Variants in ATG9B observed in about 807,000 individuals in gnomAD.
ATG9B encodes autophagy-related protein 9B.
A neutral mutation model predicts 92.9 loss-of-function variants in ATG9B; 92 were observed. The ratio of observed to expected loss-of-function variants is 0.99; its 90% confidence interval spans 0.84 to 1.18. ATG9B has a LOEUF of 1.18. Ranked by LOEUF, ATG9B falls within the 50% of genes most tolerant of loss-of-function variation. ATG9B has a pLI of 0.00. For missense variants in ATG9B, 1,344 were observed against 1,235.0 expected (o/e 1.09, Z -1.32); for synonymous variants, 599 against 551.4 (o/e 1.09, Z -1.21).
chr7:151,023,428 C>G lies in ATG9B; in HGVS notation c.659+17G>C. 6.2e-7 allele frequency: 1 copy of G among 1,612,424 alleles called. No homozygotes were observed. The highest frequency in any genetic ancestry group is 1.1e-5 in the South Asian group (1 of 90,842). ...GGCCCAGGGGACCGAGTTCCGGGCC[C>G]GGGCTAAGCGTCTCACCCCAGCTGG... On this transcript the variant is annotated intron_variant, in intron 3 of 13. Transcript: ENST00000639579.
At chr7:151,013,582 C>T (rs897157789), downstream of ATG9B, 10 of 925,028 alleles carry the variant, frequency 1.1e-5, no homozygotes, top group Admixed American at 5.7e-5. Flanking sequence ...TTTGGCTCTG[C>T]CCCTGTTGAC....
Position 151,021,310 on chromosome 7 carries a change from G to A in ATG9B, c.841C>T (p.Leu281=). 6.2e-7 allele frequency: 1 copy of A among 1,611,766 alleles called. No individual in the cohort carries two copies. Among genetic ancestry groups the A allele is most frequent in the Non-Finnish European group, 8.5e-7 (1 of 1,178,826 alleles). Residue 281 remains leucine, a synonymous_variant, in exon 5 of 14, where the codon CTG becomes TTG. Transcript: ENST00000639579. The part of the protein sequence containing the change: ...CAERIRSSPL[L]VLLLVLAAGF... ...GCAGCCAGGACCAGGAGGAGGACCA[G>A]CAGCGGGCTGGAGCGGATCCTGTAT...
rs1351917128 is a variant in ATG9B, at chr7:151,024,348, G to A, written c.76C>T (p.Pro26Ser). The change falls in exon 1 of 14, where the codon CCC becomes TCC. Residue 26 changes from proline (P) to serine (S), a missense_variant. Physicochemically the swap from Pro to Ser is moderately conservative, Grantham distance 74 (BLOSUM62 -1). Coordinates refer to ENST00000639579, the MANE Select transcript of ATG9B (RefSeq NM_001317056.2). ...GGTGGCAGTGGCATGGGGAGGAGGG[G>A]CACCGATCCGGGCCCCAGATCTCCC... ...RWGDLGPGSV[P>S]LLPMPLPPPP... is the part of the protein sequence containing the mutation. 3.3e-5 allele frequency: 46 copies of A among 1,399,200 alleles called. No homozygotes were observed. The South Asian group carries it at 7.8e-4, about 24-fold the overall frequency. The allele number at this position is 1,399,200 out of a possible 1,614,324, so 86.7% of individuals were successfully genotyped here.
In ATG9B at chr7:151,024,378, G is replaced by T. The variant is rs755585171; in HGVS notation, c.46C>A (p.Arg16=). The T allele has an allele frequency of 7.3e-7, 1 of 1,373,782 alleles. No homozygotes were observed. The allele number at this position is 1,373,782 out of a possible 1,614,324, so 85.1% of individuals were successfully genotyped here. ...GATCCGGGCCCCAGATCTCCCCACC[G>T]CCCCAGCCGCCTTCTTCTCCCCCCC... ...GWGGRRRRLG[R]WGDLGPGSVP... is the part of the protein sequence containing the mutation. Residue 16 remains arginine, a synonymous_variant, in exon 1 of 14, where the codon CGG becomes AGG. Transcript: ENST00000639579.
intron 4 of ATG9B, 89 bp from the exon 5 acceptor site, chr7:151,021,418 T>G (rs891125926): frequency 3.4e-6 from 5 of 1,461,148 alleles, no homozygotes; most frequent in South Asian, 2.8e-5. Context: ...AAAACCATCA[T>G]GAGGAGGGGG....
At chr7:151,017,751 G>A (rs1795560901) in intron 8 of ATG9B, 120 bp downstream of exon 8, 1 of 1,243,144 alleles carries the variant, frequency 8.0e-7, no homozygotes, top group African/African-American at 1.5e-5. Flanking sequence ...GAAGGGAAGT[G>A]ACCCGCTCAA....
At chr7:151,021,425 G>T in intron 4 of ATG9B, 96 bp from the exon 5 acceptor site, 1 of 1,454,448 alleles carries the variant, frequency 6.9e-7, no homozygotes, top group East Asian at 2.4e-5. Flanking sequence ...TCATGAGGAG[G>T]GGGATCTAGC....
At chr7:151,014,317 G>T, downstream of ATG9B, 2 of 897,854 alleles carry the variant, frequency 2.2e-6, no homozygotes, top group Non-Finnish European at 3.3e-6. Flanking sequence ...TATTCCTCCA[G>T]GAAGGAGCAA....
chr7:151,013,652 C>T (rs112836412), downstream of ATG9B: 738 of 1,373,864 alleles, frequency 5.4e-4, 5 homozygotes, highest in African/African-American at 9.4e-3. Context: ...CGTCCAGGGC[C>T]AGCCAGCAGC....
In ATG9B at chr7:151,021,218, C is replaced by G. The variant is rs1795733472; in HGVS notation, c.933G>C (p.Val311=). ...CNLFSYWDIQ[V]FYREALHIPP... ...GGATGTGCAGGGCCTCCCTGTAAAA[C>G]ACCTGGATGTCCCAGTAGCTGAAGA... The change falls in exon 5 of 14, where the codon GTG becomes GTC. Residue 311 remains valine, a synonymous_variant. Transcript: ENST00000639579. 1 of 1,613,564 alleles carries G rather than the reference C, an allele frequency of 6.2e-7. No individual in the cohort carries two copies. Among genetic ancestry groups the G allele is most frequent in the East Asian group, 2.2e-5 (1 of 44,890 alleles).
At chr7:151,014,862 C>T (rs1795417566), downstream of ATG9B, 1 of 152,184 alleles carries the variant, frequency 6.6e-6, no homozygotes, top group Non-Finnish European at 1.5e-5. Context: ...CCGCCTCAGC[C>T]TCCCAAAGTG....
Position 151,019,148 on chromosome 7 carries a change from G to A in ATG9B, c.1190C>T (p.Ala397Val). The A allele has an allele frequency of 6.5e-7, 1 of 1,536,104 alleles. No homozygotes were observed. The highest frequency in any genetic ancestry group is 8.7e-7 in the Non-Finnish European group (1 of 1,146,602). The stretch of plus-strand genomic sequence containing the variant: ...GAAGAGCAGCAGGTCGACATTGAGC[G>A]CCAGGCCGCGGCTGAGGAAAGCCGC... ...GSAAFLSRGL[A>V]LNVDLLLFRG... Residue 397 changes from alanine to valine, a missense_variant, in exon 6 of 14, where the codon GCG (alanine) becomes GTG (valine). Ala to Val is a moderately conservative substitution (Grantham distance 64, BLOSUM62 0). Coordinates refer to ENST00000639579, the MANE Select transcript of ATG9B (RefSeq NM_001317056.2).
rs935285581 is a variant in ATG9B, at chr7:151,018,284, C to G, written c.1872+10G>C. The stretch of plus-strand genomic sequence containing the variant: ...CTTCCTCCTCAGCCCGCCGTCGCGC[C>G]CACCCTCACCGCTCGGTACTGCAGC... On this transcript the variant is annotated intron_variant, in intron 7 of 13. Coordinates refer to ENST00000639579, the MANE Select transcript of ATG9B (RefSeq NM_001317056.2). This position sits in a 1 kb window ranked among gnomAD's most constrained non-coding sequence, Gnocchi z 4.7. 6.5e-7 allele frequency: 1 copy of G among 1,530,282 alleles called. No homozygotes were observed. Among genetic ancestry groups the G allele is most frequent in the Middle Eastern group, 2.3e-4 (1 of 4,296 alleles). 94.8% of individuals were successfully genotyped at this position (1,530,282 alleles called of 1,614,324 possible). A position where few individuals can be genotyped will look rare whatever the true frequency, so the allele number is the denominator to read the frequency against.
In ATG9B at chr7:151,018,033, C is replaced by T; in HGVS notation, c.1890G>A (p.Glu630=). 2 of 1,591,564 alleles carry T rather than the reference C, an allele frequency of 1.3e-6. No homozygotes were observed. Among genetic ancestry groups the T allele is most frequent in the Non-Finnish European group, 1.7e-6 (2 of 1,168,392 alleles). The change falls in exon 8 of 14, where the codon GAG becomes GAA. Residue 630 remains glutamate, a synonymous_variant. Transcript: ENST00000639579. The surrounding 1 kb of genome is among the most constrained non-coding windows in gnomAD (Gnocchi z 4.7). ...GCGGGGTGAGGAGCGGGGACAGGAG[C>T]TCCTCCAGGAGGGAGACCTGGGGAA... ...LQYRAVSLLE[E]LLSPLLTPLF...
At chr7:151,022,726 C>A (rs1354768165) in intron 4 of ATG9B, among the ~76,000 whole-genome samples, 1 of 151,668 alleles carries the variant, frequency 6.6e-6, no homozygotes, top group Non-Finnish European at 1.5e-5. Context: ...ATCCCAGCTA[C>A]TGGGGAGGCT....
At chr7:151,013,277 C>T, downstream of ATG9B, 2 of 1,614,040 alleles carry the variant, frequency 1.2e-6, no homozygotes, top group Non-Finnish European at 1.7e-6. Context: ...GCCGATGCTC[C>T]CAACTTGACC....
downstream of ATG9B, chr7:151,013,339 G>A: frequency 6.2e-7 from 1 of 1,613,868 alleles, no homozygotes; most frequent in Non-Finnish European, 8.5e-7. Flanking sequence ...GTGTTTGGCC[G>A]AGTCCTCACC....
Position 151,017,857 on chromosome 7 carries a change from G to T in ATG9B, c.2052+14C>A. The T allele has an allele frequency of 6.3e-7, 1 of 1,586,260 alleles. No homozygotes were observed. ...ACCCAGCCCAAACCCCCAGGGCCAG[G>T]GAACGGCTCTGACCTGAGGGTGTCC... On this transcript the variant is annotated intron_variant, in intron 8 of 13. Coordinates refer to ENST00000639579, the MANE Select transcript of ATG9B (RefSeq NM_001317056.2).
rs201102007 is a variant in ATG9B at position 151,023,683 on chromosome 7, A to G, written c.594+4T>C. The G allele has an allele frequency of 2.4e-5, 39 of 1,613,882 alleles. No homozygotes were observed. The African/African-American group carries it at 4.3e-4, about 18-fold the overall frequency. Reference sequence around the variant, plus strand: ...CACCTCTGCAGGCCTAGCGCAAAGGATATCTTGGTGAAGAAACTGTCCAGG... The same window carrying G: ...CACCTCTGCAGGCCTAGCGCAAAGGGTATCTTGGTGAAGAAACTGTCCAGG... On this transcript the variant is annotated splice_donor_region_variant and intron_variant, in intron 2 of 13. Coordinates refer to ENST00000639579, the MANE Select transcript of ATG9B (RefSeq NM_001317056.2).
Sources: allele counts gnomAD v4.1 joint callset (sites outside exome capture counted in the v4.1 genomes callset), GRCh38; gene constraint gnomAD v4.1.1; non-coding constraint Gnocchi (gnomAD v3.1); transcripts MANE v1.5; gene names NCBI Gene and HGNC (gene_info 2026-07-23, HGNC 2026-07-21).